Variants in PDZD4 observed in about 807,000 individuals in gnomAD.
PDZD4 encodes the protein PDZ domain-containing protein 4.
In PDZD4, 9 loss-of-function variants were observed where a neutral mutation model predicts 38.5. The ratio of observed to expected loss-of-function variants is 0.23; its 90% confidence interval spans 0.14 to 0.41. The LOEUF is 0.41. Among genes scored for constraint, PDZD4 ranks in the 10% least tolerant of loss-of-function variants. The pLI is 1.00. For synonymous variants in PDZD4, 349 were observed against 315.7 expected (o/e 1.11, Z -1.12); for missense variants, 612 against 722.0 (o/e 0.85, Z 1.75).
At position 153,804,450 on chromosome X, in the gene PDZD4, C is replaced by T. The variant is rs782567118; in HGVS notation, c.1231G>A (p.Glu411Lys). 18 of 1,209,056 alleles carry T rather than the reference C, an allele frequency of 1.5e-5. No homozygotes were observed. Among genetic ancestry groups the T allele is most frequent in the Non-Finnish European group, 1.8e-5 (16 of 895,383 alleles). The change falls in exon 8 of 8, where the codon GAG becomes AAG. Residue 411 changes from glutamate (E) to lysine (K), a missense_variant. Transcript: ENST00000393758. ...LGHEMAMLEE[E>K]LRHLEFKCRN... is the part of the protein sequence containing the mutation. ...CACTTGAATTCCAGGTGCCTTAGCT[C>T]CTCCTCCAGCATGGCCATCTCGTGG...
chrX:153,819,693 CCA>C (rs1557080814), intron 1 of PDZD4, among the ~76,000 whole-genome samples: 1 of 112,671 alleles, frequency 8.9e-6, no homozygotes, highest in Non-Finnish European at 1.9e-5. Context: ...ACTGTAGCTT[CCA>C]GGCCAAGTCA....
At chrX:153,807,426 C>T in intron 2 of PDZD4, 57 bp from the exon 3 acceptor site, 1 of 1,095,366 alleles carries the variant, frequency 9.1e-7, no homozygotes, top group Non-Finnish European at 1.2e-6. Flanking sequence ...ACCTCAGCCC[C>T]AGCTCCCAGG....
intron 1 of PDZD4, chrX:153,829,762 G>T: frequency 4.0e-6 from 3 of 755,528 alleles, no homozygotes; most frequent in Non-Finnish European, 4.7e-6. Context: ...GGAGCCCATC[G>T]TTCGGGCAGG....
intron 1 of PDZD4, among the ~76,000 whole-genome samples, chrX:153,822,621 CTT>C (rs1201625128): frequency 1.1e-5 from 1 of 93,870 alleles, no homozygotes; most frequent in East Asian, 3.3e-4. Flanking sequence ...TCTGTTTTTT[CTT>C]TCTCTCTCTC....
In PDZD4 at chrX:153,804,090, C is replaced by T; in HGVS notation, c.1591G>A (p.Ala531Thr). Residue 531 changes from alanine to threonine, a missense_variant, in exon 8 of 8, where the codon GCC becomes ACC. Around this residue, in one of 3 missense-constraint regions of PDZD4, gnomAD observed 300 missense variants for 284.6 expected, o/e 1.05. Coordinates refer to ENST00000393758, the MANE Select transcript of PDZD4 (RefSeq NM_001303512.2). ...TCCCGGGAGAGGGACCGGAACTTGG[C>T]GGGGCTCCCCGGTGGAGGAGCTGCC... ...AKAAPPPGSPAKFRSLSRDPE... is the reference protein window; with the variant it reads ...AKAAPPPGSPTKFRSLSRDPE... 7.8e-6 allele frequency: 9 copies of T among 1,153,877 alleles called. No homozygotes were observed. The highest frequency in any genetic ancestry group is 9.2e-6 in the Non-Finnish European group (8 of 870,170).
chrX:153,807,179 G>T, intron 3 of PDZD4, 100 bp downstream of exon 3: 1 of 879,418 alleles, frequency 1.1e-6, no homozygotes, highest in South Asian at 2.4e-5. Context: ...CCAGATGCGT[G>T]CCAGGAGGGC....
chrX:153,819,511 T>TGG (rs368871180), intron 1 of PDZD4, among the ~76,000 whole-genome samples: 3 of 110,140 alleles, frequency 2.7e-5, no homozygotes, highest in Admixed American at 9.5e-5. Context: ...GCCACGGAGG[T>TGG]GGGGGGGCTG....
intron 6 of PDZD4, 110 bp downstream of exon 6, chrX:153,805,395 C>CCCCCCCA: frequency 1.9e-6 from 1 of 537,298 alleles, no homozygotes; most frequent in Non-Finnish European, 3.1e-6. Context: ...CCCACCCGCC[C>CCCCCCCA]TCCATCAACT....
chrX:153,822,460 T>C (rs1185075705), intron 1 of PDZD4, among the ~76,000 whole-genome samples: 3 of 111,624 alleles, frequency 2.7e-5, no homozygotes, highest in African/African-American at 9.8e-5. Context: ...GCAGCGTTTT[T>C]CATTCTCAAT....
chrX:153,803,239 C>T lies in PDZD4; in HGVS notation c.*114G>A, dbSNP rs781968243. 4.8e-4 allele frequency: 254 copies of T among 529,267 alleles called. 1 individual carries two copies. Among genetic ancestry groups the T allele is most frequent in the Non-Finnish European group, 6.5e-4 (242 of 370,581 alleles). 43.6% of individuals were successfully genotyped at this position (529,267 alleles called of 1,213,427 possible). A position where few individuals can be genotyped will look rare whatever the true frequency, so the allele number is the denominator to read the frequency against. ...ACCCAGACGAGGAGATGTGTGCGTG[C>T]GCACAGCGAGCACGCGCGCGCGCAC... On this transcript the variant is annotated 3_prime_UTR_variant, in exon 8 of 8. Coordinates refer to ENST00000393758, the MANE Select transcript of PDZD4 (RefSeq NM_001303512.2).
intron 1 of PDZD4, among the ~76,000 whole-genome samples, chrX:153,820,648 T>A (rs1043931460): frequency 8.9e-6 from 1 of 112,374 alleles, no homozygotes; most frequent in Non-Finnish European, 1.9e-5. Context: ...TTTTTTACTT[T>A]AATGGGAATG....
chrX:153,828,165 T>G (rs1464146097), intron 1 of PDZD4, among the ~76,000 whole-genome samples: 1 of 112,024 alleles, frequency 8.9e-6, no homozygotes, highest in African/African-American at 3.2e-5. Flanking sequence ...AGCTGACCTG[T>G]CTTTTGGAAC....
At chrX:153,823,014 T>C (rs2064442236) in intron 1 of PDZD4, among the ~76,000 whole-genome samples, 2 of 110,836 alleles carry the variant, frequency 1.8e-5, no homozygotes, top group South Asian at 3.8e-4. Flanking sequence ...CATACCCAGA[T>C]GTAAGGCCTT....
At chrX:153,810,980 CT>C (rs1231634063) in intron 1 of PDZD4, among the ~76,000 whole-genome samples, 8 of 111,639 alleles carry the variant, frequency 7.2e-5, no homozygotes, top group African/African-American at 2.3e-4. Context: ...TTTTTGGGGG[CT>C]TTTTTTTGTT....
intron 1 of PDZD4, among the ~76,000 whole-genome samples, chrX:153,814,491 A>C (rs868919394): frequency 0.012 from 55 of 4,564 alleles, no homozygotes; most frequent in Middle Eastern, 0.1. Context: ...CCCCCCCCCC[A>C]AAAAAAAGTC....
intron 6 of PDZD4, 94 bp from the exon 7 acceptor site, chrX:153,805,301 T>C: frequency 1.2e-6 from 1 of 867,438 alleles, no homozygotes. Context: ...CTTGTTTCGG[T>C]GAAGCTCAGC....
At chrX:153,809,883 G>A (rs1468520861) in intron 1 of PDZD4, among the ~76,000 whole-genome samples, 1 of 113,051 alleles carries the variant, frequency 8.8e-6, no homozygotes, top group African/African-American at 3.2e-5. Flanking sequence ...GGATGCTGTA[G>A]GGGTGAAGGA....
intron 1 of PDZD4, among the ~76,000 whole-genome samples, chrX:153,825,229 C>T (rs1434135152): frequency 8.9e-6 from 1 of 112,484 alleles, no homozygotes; most frequent in East Asian, 2.8e-4. Context: ...TCCTGACCCA[C>T]TCCCCCTGTA....
intron 1 of PDZD4, among the ~76,000 whole-genome samples, chrX:153,810,661 G>A (rs1290746641): frequency 8.9e-6 from 1 of 112,422 alleles, no homozygotes; most frequent in Admixed American, 9.3e-5. Context: ...CTCCCACCCC[G>A]GGTTTCTCAC....
Sources: gnomAD v4.1 joint callset for allele counts (sites outside exome capture counted in the v4.1 genomes callset) on GRCh38, gnomAD v4.1.1 for gene constraint, gnomAD v4.1.1 regional missense constraint, MANE v1.5 for transcripts, NCBI Gene and HGNC (gene_info 2026-07-23, HGNC 2026-07-21) for gene names.